DSG4: variants seen among roughly 807,000 people sequenced by gnomAD.
The protein encoded by DSG4 is desmoglein-4.
In DSG4, 87 loss-of-function variants were observed where a neutral mutation model predicts 93.1. That is an observed-to-expected ratio of 0.93 (90% confidence interval 0.79 to 1.12). DSG4 has a LOEUF of 1.12. Ranked by LOEUF, DSG4 falls within the 50% of genes most tolerant of loss-of-function variation. DSG4 has a pLI of 0.00. For synonymous variants in DSG4, 432 were observed against 452.9 expected (o/e 0.95, Z 0.59); for missense variants, 1,373 against 1,285.7 (o/e 1.07, Z -1.04).
At position 31,413,050 on chromosome 18, in the gene DSG4, G is replaced by C; in HGVS notation, c.2578G>C (p.Ala860Pro). 1 of 1,614,080 alleles carries C rather than the reference G, an allele frequency of 6.2e-7. No homozygotes were observed. Among genetic ancestry groups the C allele is most frequent in the Non-Finnish European group, 8.5e-7 (1 of 1,180,006 alleles). Residue 860 changes from alanine to proline, a missense_variant, in exon 16 of 16, where the codon GCT becomes CCT. Ala to Pro is a conservative substitution (Grantham distance 27). Coordinates refer to ENST00000308128, the MANE Select transcript of DSG4 (RefSeq NM_177986.5). The part of the protein sequence containing the change: ...TEIEPFPSHQ[A>P]CIPISTDLPL... ...AATTGAACCATTTCCTTCACACCAGGCTTGTATACCAATCAGTACTGACCT... is the reference window on the plus strand; with the variant it reads ...AATTGAACCATTTCCTTCACACCAGCCTTGTATACCAATCAGTACTGACCT...
intron 2 of DSG4, 47 bp downstream of exon 2, chr18:31,385,218 A>G (rs1466236920): frequency 2.2e-6 from 3 of 1,374,002 alleles, no homozygotes; most frequent in Admixed American, 3.7e-5. Context: ...TAAAACAAAA[A>G]CTGAATTTTG....
At chr18:31,386,480 T>C (rs1020218933) in intron 2 of DSG4, among the ~76,000 whole-genome samples, 1 of 152,146 alleles carries the variant, frequency 6.6e-6, no homozygotes, top group Non-Finnish European at 1.5e-5. Flanking sequence ...AATCAAATAA[T>C]TGGAACCAAG....
intron 14 of DSG4, among the ~76,000 whole-genome samples, chr18:31,410,418 T>TAC (rs755594038): frequency 6.6e-6 from 1 of 151,642 alleles, no homozygotes; most frequent in Non-Finnish European, 1.5e-5. Context: ...TCTATATATA[T>TAC]ACACACACAC....
intron 8 of DSG4, among the ~76,000 whole-genome samples, chr18:31,398,290 T>G (rs1048919632): frequency 1.2e-4 from 19 of 152,170 alleles, no homozygotes; most frequent in African/African-American, 4.3e-4. Flanking sequence ...TCAAGGGTTT[T>G]GGCTGAAATT....
At position 31,386,242 on chromosome 18, in the gene DSG4, G is replaced by T. The variant is rs111797626; in HGVS notation, c.85-446G>T. Among the ~76,000 whole-genome samples, 36 of 152,210 alleles carry T rather than the reference G, an allele frequency of 2.4e-4. 1 individual carries two copies. The South Asian group carries it at 5.8e-3, about 25-fold the overall frequency. On this transcript the variant is annotated intron_variant, in intron 2 of 15. Transcript: ENST00000308128. ...AAAAATGCTCTTCTCTCTTTTAGGT[G>T]AGCACGACTCACCAGCACAACTTTT... is the stretch of plus-strand genomic sequence containing the variant.
At chr18:31,392,388 A>G in intron 8 of DSG4, 48 bp downstream of exon 8, 1 of 1,593,590 alleles carries the variant, frequency 6.3e-7, no homozygotes, top group Non-Finnish European at 8.6e-7. Context: ...ATTTTATTCC[A>G]AAGAAGTTTT....
At chr18:31,398,826 A>G (rs1368340749) in intron 8 of DSG4, among the ~76,000 whole-genome samples, 1 of 152,314 alleles carries the variant, frequency 6.6e-6, no homozygotes, top group South Asian at 2.1e-4. Flanking sequence ...CATATATATT[A>G]GCACCTTTAT....
chr18:31,387,327 G>A (rs1410917534), intron 3 of DSG4, among the ~76,000 whole-genome samples: 1 of 152,144 alleles, frequency 6.6e-6, no homozygotes, highest in Non-Finnish European at 1.5e-5. Context: ...ATCCAGGAAG[G>A]ATGGGATCCA....
At chr18:31,388,602 A>G in intron 4 of DSG4, 80 bp downstream of exon 4, 2 of 1,533,808 alleles carry the variant, frequency 1.3e-6, no homozygotes, top group East Asian at 2.3e-5. Flanking sequence ...AAGATAATGG[A>G]TTACTTTTGA....
At chr18:31,411,901 G>A (rs1305494672) in intron 15 of DSG4, among the ~76,000 whole-genome samples, 1 of 152,134 alleles carries the variant, frequency 6.6e-6, no homozygotes, top group Non-Finnish European at 1.5e-5. Context: ...ACTCAGGAAC[G>A]CAGCATCACC....
At chr18:31,378,370 G>C (rs2072099703) in intron 1 of DSG4, among the ~76,000 whole-genome samples, 1 of 152,118 alleles carries the variant, frequency 6.6e-6, no homozygotes, top group Non-Finnish European at 1.5e-5. Flanking sequence ...TTCATGCTTT[G>C]ACTCAGATAA....
intron 2 of DSG4, among the ~76,000 whole-genome samples, chr18:31,386,115 T>C (rs2072184149): frequency 6.6e-6 from 1 of 152,124 alleles, no homozygotes; most frequent in African/African-American, 2.4e-5. Context: ...CATGGGATTA[T>C]TGGAGGAATC....
At position 31,387,292 on chromosome 18, in the gene DSG4, G is replaced by A. The variant is rs374821955; in HGVS notation, c.216+473G>A. Among the ~76,000 whole-genome samples, 77 of 152,264 alleles carry A rather than the reference G, an allele frequency of 5.1e-4. 2 individuals are homozygous for A. The South Asian group carries it at 0.015, about 30-fold the overall frequency. On this transcript the variant is annotated intron_variant, in intron 3 of 15. Transcript: ENST00000308128. ...AATAATGCCTACTGAAAAGGAAGGA[G>A]AGTTAAAGAATGTGTAATAAATTGA... is the stretch of plus-strand genomic sequence containing the variant.
rs373706032 is a variant in DSG4 at position 31,400,859 on chromosome 18, G to A, written c.1278-22G>A. 4.5e-5 allele frequency: 72 copies of A among 1,609,748 alleles called. 1 individual carries two copies. The highest frequency in any genetic ancestry group is 5.4e-5 in the African/African-American group (4 of 74,724). ...CTAACTTTCATAAAAGCATGATAACGAACTTTTTTATTTAAAAACAGATAT... is the reference window on the plus strand; with the variant it reads ...CTAACTTTCATAAAAGCATGATAACAAACTTTTTTATTTAAAAACAGATAT... On this transcript the variant is annotated intron_variant, in intron 9 of 15. Transcript: ENST00000308128.
In DSG4 at chr18:31,377,091, C is replaced by A. The variant is rs1253276590; in HGVS notation, c.48+132C>A. 8.8e-6 allele frequency: 9 copies of A among 1,027,286 alleles called. No homozygotes were observed. The Admixed American group carries it at 1.7e-4, about 19-fold the overall frequency. The allele number at this position is 1,027,286 out of a possible 1,614,324, so 63.6% of individuals were successfully genotyped here. A position where few individuals can be genotyped will look rare whatever the true frequency, so the allele number is the denominator to read the frequency against. On this transcript the variant is annotated intron_variant, in intron 1 of 15. Transcript: ENST00000308128. ...TGCAAAGAGAGTTCTAGAAGTCCAG[C>A]CTCTGTTAATTTCAAACAACTCTCT...
chr18:31,390,458 C>T (rs192154517), intron 5 of DSG4, among the ~76,000 whole-genome samples, 198 bp from the exon 6 acceptor site: 102 of 152,206 alleles, frequency 6.7e-4, no homozygotes, highest in African/African-American at 2.3e-3. Flanking sequence ...ACTTTTAAAA[C>T]AGTAAAGGGT....
In DSG4 at chr18:31,411,277, T is replaced by G; in HGVS notation, c.2184T>G (p.Gly728=). The G allele has an allele frequency of 3.7e-6, 6 of 1,613,014 alleles. No homozygotes were observed. Among genetic ancestry groups the G allele is most frequent in the Non-Finnish European group, 5.1e-6 (6 of 1,179,946 alleles). ...CAGCCGGGGGCACGGTGGAAGGAGG[T>G]GTATCGGGAGTGGAGCTCAACACAG... ...TYAAGGTVEG[G]VSGVELNTGM... is the part of the protein sequence containing the mutation. The change falls in exon 15 of 16, where the codon GGT becomes GGG. Residue 728 remains glycine (G), a synonymous_variant. Transcript: ENST00000308128.
chr18:31,394,051 T>C (rs1248036629), intron 8 of DSG4, among the ~76,000 whole-genome samples: 1 of 152,110 alleles, frequency 6.6e-6, no homozygotes, highest in Admixed American at 6.6e-5. Context: ...GATCCAGAGG[T>C]CCTCACCTGT....
chr18:31,401,955 G>A (rs747810881), intron 10 of DSG4, among the ~76,000 whole-genome samples: 143 of 151,926 alleles, frequency 9.4e-4, no homozygotes, highest in Non-Finnish European at 1.9e-3. Flanking sequence ...AAATTTTAAC[G>A]CCTGGGTCAG....
Sources: gnomAD v4.1 joint callset for allele counts (sites outside exome capture counted in the v4.1 genomes callset) on GRCh38, gnomAD v4.1.1 for gene constraint, MANE v1.5 for transcripts, NCBI Gene and HGNC (gene_info 2026-07-23, HGNC 2026-07-21) for gene names.